Variants in ZC3H12C observed in about 807,000 individuals in gnomAD.
ZC3H12C encodes the protein zinc finger CCCH-type containing 12C.
Under a neutral mutation model 76.3 loss-of-function variants are expected in ZC3H12C, and 20 were observed. The ratio of observed to expected loss-of-function variants is 0.26; its 90% CI spans 0.18 to 0.38. The LOEUF (loss-of-function observed/expected upper bound fraction) is 0.38. ZC3H12C is among the 10% of genes least tolerant of loss of function. The pLI is 1.00. For synonymous variants in ZC3H12C, 352 were observed against 399.6 expected (o/e 0.88, Z 1.42); for missense variants, 874 against 1,086.5 (o/e 0.80, Z 2.75).
At chr11:110,155,032 A>G (rs969300549) in intron 3 of ZC3H12C, among the ~76,000 whole-genome samples, 1 of 152,186 alleles carries the variant, frequency 6.6e-6, no homozygotes, top group Non-Finnish European at 1.5e-5. Context: ...TCAAGCCTGT[A>G]ATCCCAGCAC....
Position 110,163,371 on chromosome 11 carries a change from G to A in ZC3H12C, c.1247G>A (p.Cys416Tyr). ...PIVPEHKKQP[C>Y]PYGKKCTYGH... Reference sequence around the variant, plus strand: ...GTTCCTGAACACAAAAAGCAGCCTTGTCCATATGGTAACTTGCTTTGTGAA... The same window carrying A: ...GTTCCTGAACACAAAAAGCAGCCTTATCCATATGGTAACTTGCTTTGTGAA... The change falls in exon 5 of 6, where the codon TGT becomes TAT. Residue 416 changes from cysteine to tyrosine, a missense_variant. Coordinates refer to ENST00000278590, the MANE Select transcript of ZC3H12C (RefSeq NM_033390.2). 1.2e-6 allele frequency: 2 copies of A among 1,611,086 alleles called. No individual in the cohort carries two copies. The highest frequency in any genetic ancestry group is 1.7e-6 in the Non-Finnish European group (2 of 1,178,602).
intron 4 of ZC3H12C, among the ~76,000 whole-genome samples, chr11:110,162,914 CA>C (rs1232042913): frequency 7.9e-5 from 12 of 152,276 alleles, no homozygotes; most frequent in African/African-American, 2.9e-4. Flanking sequence ...CCACCTGCAG[CA>C]GTCCATTTCA....
At chr11:110,111,321 T>TATG (rs1316403756) in intron 1 of ZC3H12C, among the ~76,000 whole-genome samples, 1 of 152,174 alleles carries the variant, frequency 6.6e-6, no homozygotes, top group African/African-American at 2.4e-5. Flanking sequence ...TGGATTTACA[T>TATG]ATGATCAAAA....
In ZC3H12C at chr11:110,105,990, C is replaced by T. The variant is rs201903653; in HGVS notation, c.21+12558C>T. On this transcript the variant is annotated intron_variant, in intron 1 of 5. Transcript: ENST00000278590. ...TGCCATCTAGAAAAGTTATACCAGC[C>T]GGGCGCGGTGGCTCACGCCTGTAAT... is the stretch of plus-strand genomic sequence containing the variant. Among the ~76,000 whole-genome samples the T allele has an allele frequency of 1.4e-4, 2 of 14,050 alleles. 1 individual carries two copies. Among genetic ancestry groups the T allele is most frequent in the South Asian group, 2.2e-3 (2 of 902 alleles). The allele number at this position is 14,050 out of a possible 152,430, so 9.2% of individuals were successfully genotyped here.
At chr11:110,117,686 T>TAC (rs1200621571) in intron 1 of ZC3H12C, among the ~76,000 whole-genome samples, 1 of 138,022 alleles carries the variant, frequency 7.2e-6, no homozygotes, top group African/African-American at 2.7e-5. Context: ...ATTATATATA[T>TAC]ACACACACAC....
intron 1 of ZC3H12C, among the ~76,000 whole-genome samples, chr11:110,114,412 G>T (rs1861488057): frequency 6.6e-6 from 1 of 152,144 alleles, no homozygotes; most frequent in Non-Finnish European, 1.5e-5. Flanking sequence ...GTGTTTTACA[G>T]ATATTCATTT....
Position 110,137,138 on chromosome 11 carries a change from T to G in ZC3H12C, c.497T>G (p.Leu166Arg). ...PDVVREYQTK[L>R]EFALKLGYSE... is the part of the protein sequence containing the mutation. ...GTGGTGCGAGAATACCAAACAAAAC[T>G]GGAGTTTGCACTTAAGTTAGGTTAT... is the stretch of plus-strand genomic sequence containing the variant. Residue 166 changes from leucine (L) to arginine (R), a missense_variant, in exon 2 of 6, where the codon CTG becomes CGG. By Grantham distance (102) the Leu-to-Arg change is moderately radical (BLOSUM62 -2). This residue lies in a region of ZC3H12C where 210 missense variants were observed against 227.1 expected (regional missense o/e 0.92). Coordinates refer to ENST00000278590, the MANE Select transcript of ZC3H12C (RefSeq NM_033390.2). The G allele has an allele frequency of 6.2e-7, 1 of 1,613,830 alleles. No individual in the cohort carries two copies. Among genetic ancestry groups the G allele is most frequent in the African/African-American group, 1.3e-5 (1 of 75,046 alleles).
At chr11:110,135,839 A>T (rs1565259621) in intron 1 of ZC3H12C, 2 of 152,122 alleles carry the variant, frequency 1.3e-5, no homozygotes, top group Non-Finnish European at 2.9e-5. Context: ...GTGAGATATC[A>T]TCTCTGCTTT....
Position 110,093,408 on chromosome 11 carries a change from G to A in ZC3H12C, c.-4G>A, listed in dbSNP as rs1233921821. Reference sequence around the variant, plus strand: ...CCGCTCGCCGCTTTCTCGCGGGGCTGGCTATGCCGGGTGGCGGCTCCCAGG... The same window carrying A: ...CCGCTCGCCGCTTTCTCGCGGGGCTAGCTATGCCGGGTGGCGGCTCCCAGG... On this transcript the variant is annotated 5_prime_UTR_variant, in exon 1 of 6. Transcript: ENST00000278590. 37 of 1,197,916 alleles carry A rather than the reference G, an allele frequency of 3.1e-5. No homozygotes were observed. The highest frequency in any genetic ancestry group is 3.7e-5 in the Non-Finnish European group (36 of 963,672). The allele number at this position is 1,197,916 out of a possible 1,614,324, so 74.2% of individuals were successfully genotyped here.
At chr11:110,118,259 A>AT (rs1450001638) in intron 1 of ZC3H12C, among the ~76,000 whole-genome samples, 3 of 151,584 alleles carry the variant, frequency 2.0e-5, no homozygotes, top group African/African-American at 7.3e-5. Flanking sequence ...ATAAAAATTG[A>AT]TAAGGACGAG....
chr11:110,121,362 G>T (rs570356655), intron 1 of ZC3H12C, among the ~76,000 whole-genome samples: 2 of 152,190 alleles, frequency 1.3e-5, no homozygotes, highest in African/African-American at 4.8e-5. Context: ...TCCCGGCCCC[G>T]TTAGAGCTAA....
intron 1 of ZC3H12C, among the ~76,000 whole-genome samples, chr11:110,121,166 C>T (rs138947909): frequency 7.2e-5 from 11 of 152,262 alleles, no homozygotes; most frequent in African/African-American, 2.4e-4. Context: ...AGAGAACTGC[C>T]GCTTTAAGTA....
chr11:110,097,951 G>A (rs1441413195), intron 1 of ZC3H12C, among the ~76,000 whole-genome samples: 1 of 152,138 alleles, frequency 6.6e-6, no homozygotes, highest in African/African-American at 2.4e-5. Context: ...GAACGATTAT[G>A]TTACTGGGTT....
At chr11:110,146,026 G>T (rs188314952) in intron 2 of ZC3H12C, among the ~76,000 whole-genome samples, 1 of 152,248 alleles carries the variant, frequency 6.6e-6, no homozygotes, top group Non-Finnish European at 1.5e-5. Flanking sequence ...TTGCTCTGTC[G>T]CCCAGGCTGG....
intron 2 of ZC3H12C, among the ~76,000 whole-genome samples, chr11:110,138,401 G>A (rs1430560809): frequency 6.6e-6 from 1 of 152,042 alleles, no homozygotes; most frequent in Admixed American, 6.6e-5. Context: ...TGCAAACCAT[G>A]TATGTCATAT....
rs1484632647 is a variant in ZC3H12C, at chr11:110,136,861, G to A, written c.220G>A (p.Gly74Arg). Residue 74 changes from glycine to arginine, a missense_variant, in exon 2 of 6, where the codon GGG becomes AGG. Around this residue, in one of 3 missense-constraint regions of ZC3H12C, gnomAD observed 210 missense variants for 227.1 expected, o/e 0.92. Coordinates refer to ENST00000278590, the MANE Select transcript of ZC3H12C (RefSeq NM_033390.2). ...ENPSMDTVNV[G>R]KDEKEASEEN... ...CCCAAGTATGGATACCGTTAATGTG[G>A]GGAAGGATGAAAAAGAGGCGTCTGA... 1.2e-6 allele frequency: 2 copies of A among 1,613,740 alleles called. No individual in the cohort carries two copies. Among genetic ancestry groups the A allele is most frequent in the South Asian group, 1.1e-5 (1 of 91,056 alleles).
intron 1 of ZC3H12C, among the ~76,000 whole-genome samples, chr11:110,096,404 C>T (rs766737314): frequency 1.3e-4 from 20 of 152,204 alleles, no homozygotes; most frequent in Non-Finnish European, 2.2e-4. Flanking sequence ...GTAATAGTCA[C>T]GTTTGTACAC....
rs35847031 is a variant in ZC3H12C, at chr11:110,124,815, ATTT to A, written c.22-11835_22-11833del. Among the ~76,000 whole-genome samples, 417 of 148,938 alleles carry A rather than the reference ATTT, an allele frequency of 2.8e-3. 5 individuals are homozygous for A. The highest frequency in any genetic ancestry group is 9.7e-3 in the African/African-American group (393 of 40,610). On this transcript the variant is annotated intron_variant, in intron 1 of 5. Transcript: ENST00000278590. ...CAGAGACTTGTGATTTGCAGCTGAGATTTTTTTTTTTTTTTAAGCAGAAGAGTG... is the reference window on the plus strand; with the variant it reads ...CAGAGACTTGTGATTTGCAGCTGAGATTTTTTTTTTTTAAGCAGAAGAGTG...
rs79363950 is a variant in ZC3H12C, at chr11:110,134,417, C to T, written c.22-2246C>T. ...AGCCCAGCTTCCAATAGGTTTTCCTCGTTTAAGATACTTTTGGTGGGAGCG... is the reference window on the plus strand; with the variant it reads ...AGCCCAGCTTCCAATAGGTTTTCCTTGTTTAAGATACTTTTGGTGGGAGCG... On this transcript the variant is annotated intron_variant, in intron 1 of 5. Transcript: ENST00000278590. 6.8e-3 allele frequency among the ~76,000 whole-genome samples: 1,040 copies of T among 152,178 alleles called. 15 individuals carry two copies. Among genetic ancestry groups the T allele is most frequent in the African/African-American group, 0.023 (948 of 41,534 alleles).
Sources: allele counts gnomAD v4.1 joint callset (sites outside exome capture counted in the v4.1 genomes callset), GRCh38; gene constraint gnomAD v4.1.1; regional missense constraint gnomAD v4.1.1; transcripts MANE v1.5; gene names NCBI Gene and HGNC (gene_info 2026-07-23, HGNC 2026-07-21).